TMTC1: variants seen among roughly 807,000 people sequenced by gnomAD.
The protein encoded by TMTC1 is transmembrane O-mannosyltransferase targeting cadherins 1.
TMTC1 carries 73 observed loss-of-function variants against 104.8 expected under a neutral mutation model. The ratio of observed to expected loss-of-function variants is 0.70; its 90% confidence interval spans 0.58 to 0.85. TMTC1 has a LOEUF of 0.85. Ranked by LOEUF, TMTC1 falls within the 40% of genes least tolerant of loss-of-function variation. TMTC1 has a pLI of 0.00. For missense variants in TMTC1, 1,035 were observed against 1,096.1 expected (o/e 0.94, Z 0.79); for synonymous variants, 434 against 428.7 (o/e 1.01, Z -0.15).
intron 6 of TMTC1, among the ~76,000 whole-genome samples, chr12:29,619,398 C>T (rs1745797638): frequency 6.6e-6 from 1 of 152,058 alleles, no homozygotes; most frequent in Non-Finnish European, 1.5e-5. Flanking sequence ...AGTTTCAGCT[C>T]CAGAACAAGG....
intron 5 of TMTC1, among the ~76,000 whole-genome samples, chr12:29,683,676 CA>C (rs528499178): frequency 5.9e-4 from 90 of 152,168 alleles, no homozygotes; most frequent in African/African-American, 2.0e-3. Context: ...CAAAAGTTCA[CA>C]AAAAGCAGAA....
chr12:29,712,463 T>C (rs1281863646), intron 5 of TMTC1, among the ~76,000 whole-genome samples: 1 of 152,216 alleles, frequency 6.6e-6, no homozygotes, highest in Non-Finnish European at 1.5e-5. Context: ...GTATGATATC[T>C]AAGAGAAAAG....
chr12:29,558,105 C>G (rs979654477), intron 9 of TMTC1, among the ~76,000 whole-genome samples: 7 of 152,100 alleles, frequency 4.6e-5, no homozygotes, highest in Non-Finnish European at 1.0e-4. Context: ...ATTTCCTAAA[C>G]TCAAAACTAT....
At chr12:29,527,581 C>T (rs528433431) in intron 11 of TMTC1, among the ~76,000 whole-genome samples, 5 of 152,312 alleles carry the variant, frequency 3.3e-5, no homozygotes, top group South Asian at 2.1e-4. Context: ...TCTGTGGCTA[C>T]GTGAGATCTG....
At chr12:29,573,970 A>AGAGAG (rs1313065217) in intron 8 of TMTC1, among the ~76,000 whole-genome samples, 1 of 152,044 alleles carries the variant, frequency 6.6e-6, no homozygotes, top group Non-Finnish European at 1.5e-5. Context: ...GAGGAACCTC[A>AGAGAG]GAGAGGAGAG....
intron 5 of TMTC1, among the ~76,000 whole-genome samples, chr12:29,693,555 T>G (rs1292505127): frequency 6.6e-6 from 1 of 152,202 alleles, no homozygotes; most frequent in Non-Finnish European, 1.5e-5. Context: ...CTAATATTAA[T>G]AACTACTATT....
chr12:29,534,673 G>C (rs1303971281), intron 11 of TMTC1: 2 of 152,108 alleles, frequency 1.3e-5, no homozygotes, highest in Non-Finnish European at 2.9e-5. Context: ...TAATAGTAAG[G>C]CTGAATGCAA....
intron 5 of TMTC1, among the ~76,000 whole-genome samples, chr12:29,636,800 C>G (rs979386160): frequency 1.1e-4 from 16 of 151,464 alleles, no homozygotes; most frequent in South Asian, 6.3e-4. Flanking sequence ...ATCTGAGCAC[C>G]TTGGGAGGCC....
chr12:29,553,561 T>C (rs1168251139), intron 10 of TMTC1, among the ~76,000 whole-genome samples: 1 of 152,102 alleles, frequency 6.6e-6, no homozygotes, highest in Non-Finnish European at 1.5e-5. Context: ...TAAAGACTCA[T>C]TGTAAGGGCA....
At chr12:29,657,766 T>C (rs1052050991) in intron 5 of TMTC1, among the ~76,000 whole-genome samples, 19 of 152,168 alleles carry the variant, frequency 1.2e-4, no homozygotes, top group Middle Eastern at 3.4e-3. Flanking sequence ...AATTCCAACA[T>C]AGAAGTTAAT....
At chr12:29,620,177 A>C (rs1947093465) in intron 6 of TMTC1, among the ~76,000 whole-genome samples, 1 of 152,184 alleles carries the variant, frequency 6.6e-6, no homozygotes. Context: ...AGGGCTCCTC[A>C]TGTGTCAGCC....
At chr12:29,682,304 C>T (rs1940945178) in intron 5 of TMTC1, among the ~76,000 whole-genome samples, 1 of 152,154 alleles carries the variant, frequency 6.6e-6, no homozygotes, top group African/African-American at 2.4e-5. Flanking sequence ...TACCGTGAGT[C>T]ACTCTGGAAT....
intron 2 of TMTC1, among the ~76,000 whole-genome samples, chr12:29,759,491 T>C (rs1167593944): frequency 6.6e-6 from 1 of 151,996 alleles, no homozygotes; most frequent in African/African-American, 2.4e-5. Flanking sequence ...GTGGACCCTG[T>C]CTCAAAAAAT....
chr12:29,506,791 C>G lies in TMTC1; in HGVS notation c.*55G>C, dbSNP rs1457363153. 1.9e-6 allele frequency: 3 copies of G among 1,603,642 alleles called. No homozygotes were observed. The East Asian group carries it at 6.7e-5, about 36-fold the overall frequency. On this transcript the variant is annotated 3_prime_UTR_variant, in exon 18 of 18. Coordinates refer to ENST00000539277, the MANE Select transcript of TMTC1 (RefSeq NM_001193451.2). ...GCTGATGTGAAAGCAAGGCTTCCAT[C>G]ACTCCCCTTTCAGAGGCACCACATT...
intron 5 of TMTC1, among the ~76,000 whole-genome samples, chr12:29,659,193 T>C (rs1357903593): frequency 6.6e-6 from 1 of 152,250 alleles, no homozygotes. Flanking sequence ...ATTCACCATA[T>C]GTATCAATCA....
At chr12:29,705,272 T>A (rs565191219) in intron 5 of TMTC1, among the ~76,000 whole-genome samples, 6 of 152,346 alleles carry the variant, frequency 3.9e-5, no homozygotes, top group Admixed American at 3.9e-4. Flanking sequence ...TCTTCTCTAG[T>A]CATCAGTTTC....
chr12:29,631,048 C>G (rs541772969), intron 6 of TMTC1, among the ~76,000 whole-genome samples: 2 of 152,148 alleles, frequency 1.3e-5, no homozygotes, highest in Non-Finnish European at 2.9e-5. Flanking sequence ...TAATTAAAAA[C>G]TTTGCATATC....
At chr12:29,737,085 G>A (rs556261061) in intron 5 of TMTC1, among the ~76,000 whole-genome samples, 14 of 152,342 alleles carry the variant, frequency 9.2e-5, no homozygotes, top group African/African-American at 3.4e-4. Flanking sequence ...GTGACACGTC[G>A]CACCCGACAT....
At chr12:29,748,199 T>C (rs954551478) in intron 5 of TMTC1, among the ~76,000 whole-genome samples, 6 of 152,212 alleles carry the variant, frequency 3.9e-5, no homozygotes, top group Non-Finnish European at 7.3e-5. Context: ...TGCTATCTGC[T>C]GCTCTCCAAT....
Sources: allele counts gnomAD v4.1 joint callset (sites outside exome capture counted in the v4.1 genomes callset), GRCh38; gene constraint gnomAD v4.1.1; transcripts MANE v1.5; gene names NCBI Gene and HGNC (gene_info 2026-07-23, HGNC 2026-07-21).